The following HNF1B variants were observed in gnomAD, a reference collection of about 807,000 sequenced individuals.
The protein encoded by HNF1B is hepatocyte nuclear factor 1-beta.
In HNF1B, 8 loss-of-function variants were observed where a neutral mutation model predicts 61.7. The ratio of observed to expected loss-of-function variants is 0.13; its 90% CI spans 0.08 to 0.23. HNF1B has a LOEUF of 0.23. HNF1B is among the 10% of genes least tolerant of loss of function. The pLI, the probability that HNF1B is intolerant of heterozygous loss-of-function variation, is 1.00. For missense variants in HNF1B, 562 were observed against 714.5 expected (o/e 0.79, Z 2.43); for synonymous variants, 314 against 287.7 (o/e 1.09, Z -0.93).
At chr17:37,720,883 C>G (rs1291511326) in intron 4 of HNF1B, 66 of 985,286 alleles carry the variant, frequency 6.7e-5, no homozygotes, top group Non-Finnish European at 7.6e-5. Context: ...GTTCCCCTGG[C>G]TGTAGGGTTG....
At chr17:37,742,487 C>T (rs1047120205) in intron 1 of HNF1B, among the ~76,000 whole-genome samples, 1 of 152,310 alleles carries the variant, frequency 6.6e-6, no homozygotes, top group Middle Eastern at 3.4e-3. Context: ...GGCTTGGGAG[C>T]CCCCTGTGCA....
intron 4 of HNF1B, among the ~76,000 whole-genome samples, chr17:37,728,453 C>T (rs867142580): frequency 6.6e-5 from 10 of 152,040 alleles, no homozygotes; most frequent in Non-Finnish European, 1.2e-4. Flanking sequence ...ACTACAGGCA[C>T]CCGCCACCAC....
intron 2 of HNF1B, among the ~76,000 whole-genome samples, chr17:37,737,660 A>G (rs892669864): frequency 1.4e-5 from 2 of 138,024 alleles, no homozygotes; most frequent in African/African-American, 2.8e-5. Flanking sequence ...CCCCGTCTCT[A>G]CTAAAAATAC....
At chr17:37,687,716 T>C (rs536747445) in intron 8 of HNF1B, among the ~76,000 whole-genome samples, 1 of 152,174 alleles carries the variant, frequency 6.6e-6, no homozygotes, top group African/African-American at 2.4e-5. Flanking sequence ...GAGTGCTTAG[T>C]GTACTTGAAA....
chr17:37,698,879 G>T (rs1457648290), intron 8 of HNF1B, among the ~76,000 whole-genome samples, 197 bp downstream of exon 8: 1 of 150,782 alleles, frequency 6.6e-6, no homozygotes, highest in African/African-American at 2.5e-5. Flanking sequence ...TGGGGAATCT[G>T]GGGGAGCAAT....
chr17:37,727,385 C>T (rs994392439), intron 4 of HNF1B, among the ~76,000 whole-genome samples: 1 of 152,168 alleles, frequency 6.6e-6, no homozygotes, highest in Non-Finnish European at 1.5e-5. Flanking sequence ...CAGCCTGCTA[C>T]AGTAACTTCA....
At chr17:37,697,433 G>A (rs2032422043) in intron 8 of HNF1B, among the ~76,000 whole-genome samples, 1 of 152,184 alleles carries the variant, frequency 6.6e-6, no homozygotes, top group Non-Finnish European at 1.5e-5. Flanking sequence ...TGGGGGGCTG[G>A]TGCAGCGTCT....
chr17:37,687,216 T>A lies in HNF1B; in HGVS notation c.*156A>T. Reference sequence around the variant, plus strand: ...TCGGGCTGCGCCTCCTGAGAGTGGATTGTCTGAGGTGCCAGCAGGACGTCC... The same window carrying A: ...TCGGGCTGCGCCTCCTGAGAGTGGAATGTCTGAGGTGCCAGCAGGACGTCC... On this transcript the variant is annotated 3_prime_UTR_variant, in exon 9 of 9. Transcript: ENST00000617811. 8.3e-7 allele frequency: 1 copy of A among 1,207,372 alleles called. No homozygotes were observed. Among genetic ancestry groups the A allele is most frequent in the Non-Finnish European group, 1.2e-6 (1 of 832,976 alleles). The allele number at this position is 1,207,372 out of a possible 1,614,324, so 74.8% of individuals were successfully genotyped here. A position where few individuals can be genotyped will look rare whatever the true frequency, so the allele number is the denominator to read the frequency against.
intron 1 of HNF1B, 46 bp downstream of exon 1, chr17:37,744,495 G>A: frequency 6.3e-7 from 1 of 1,584,050 alleles, no homozygotes; most frequent in Non-Finnish European, 8.6e-7. Flanking sequence ...CGGGGCCGGG[G>A]CTCCAGGGGT....
Position 37,731,626 on chromosome 17 carries a change from C to T in HNF1B, c.1014G>A (p.Gln338=). ...PLLSHGSPHH[Q]PSSSPPNKLS... ...GCTTGTTTGGAGGAGAGGAGCTGGG[C>T]TGGTGGTGGGGGGAGCCGTGGGAGA... Residue 338 remains glutamine, a synonymous_variant, in exon 4 of 9, where the codon CAG becomes CAA. Coordinates refer to ENST00000617811, the MANE Select transcript of HNF1B (RefSeq NM_000458.4). 6.2e-7 allele frequency: 1 copy of T among 1,613,670 alleles called. No homozygotes were observed. The highest frequency in any genetic ancestry group is 8.5e-7 in the Non-Finnish European group (1 of 1,179,766).
chr17:37,733,450 G>A, intron 3 of HNF1B, 107 bp downstream of exon 3: 1 of 1,285,674 alleles, frequency 7.8e-7, no homozygotes, highest in Non-Finnish European at 1.1e-6. Context: ...CTCTGATTTA[G>A]CCACACTTAT....
chr17:37,698,316 G>A (rs1223793832), intron 8 of HNF1B, among the ~76,000 whole-genome samples: 1 of 152,086 alleles, frequency 6.6e-6, no homozygotes, highest in Non-Finnish European at 1.5e-5. Flanking sequence ...ATCTTGTCCT[G>A]TTTTCTAACT....
intron 1 of HNF1B, 47 bp downstream of exon 1, chr17:37,744,494 G>A (rs780873083): frequency 2.5e-6 from 4 of 1,581,060 alleles, no homozygotes; most frequent in South Asian, 2.2e-5. Context: ...CCGGGGCCGG[G>A]GCTCCAGGGG....
At chr17:37,707,734 A>G (rs2032797502) in intron 5 of HNF1B, among the ~76,000 whole-genome samples, 1 of 151,840 alleles carries the variant, frequency 6.6e-6, no homozygotes. Context: ...TGATACTGTG[A>G]AAGTATCCAG....
intron 5 of HNF1B, 84 bp downstream of exon 5, chr17:37,710,419 T>G: frequency 6.5e-7 from 1 of 1,536,340 alleles, no homozygotes; most frequent in South Asian, 1.1e-5. Context: ...GGTTCATTGT[T>G]TGAGGCAGGC....
chr17:37,690,253 T>C (rs112904657), intron 8 of HNF1B, among the ~76,000 whole-genome samples: 2,886 of 150,826 alleles, frequency 0.019, 85 homozygotes, highest in African/African-American at 0.066. Context: ...AGTCCTGGAG[T>C]GGGATCTCTT....
intron 8 of HNF1B, among the ~76,000 whole-genome samples, chr17:37,690,552 C>A (rs373816621): frequency 1.2e-4 from 18 of 152,146 alleles, no homozygotes; most frequent in African/African-American, 4.3e-4. Context: ...GGGACTAGGG[C>A]AGTCCTGATG....
chr17:37,697,983 G>A (rs916805819), intron 8 of HNF1B, among the ~76,000 whole-genome samples: 5 of 152,086 alleles, frequency 3.3e-5, no homozygotes, highest in African/African-American at 1.2e-4. Flanking sequence ...CCAAGCAAAT[G>A]GCAGAACCAG....
chr17:37,687,154 G>A lies in HNF1B; in HGVS notation c.*218C>T, dbSNP rs1234343126. ...AGGAGTCCTTGACATCGTGGGAGAG[G>A]CATTGTGGCAATACTGCATAGAAGG... On this transcript the variant is annotated 3_prime_UTR_variant, in exon 9 of 9. Coordinates refer to ENST00000617811, the MANE Select transcript of HNF1B (RefSeq NM_000458.4). The A allele has an allele frequency of 1.4e-5, 10 of 696,056 alleles. No homozygotes were observed. The highest frequency in any genetic ancestry group is 2.6e-5 in the Non-Finnish European group (10 of 391,798). The allele number at this position is 696,056 out of a possible 1,614,324, so 43.1% of individuals were successfully genotyped here. A position where few individuals can be genotyped will look rare whatever the true frequency, so the allele number is the denominator to read the frequency against.
Sources: allele counts gnomAD v4.1 joint callset (sites outside exome capture counted in the v4.1 genomes callset), GRCh38; gene constraint gnomAD v4.1.1; transcripts MANE v1.5; gene names NCBI Gene and HGNC (gene_info 2026-07-23, HGNC 2026-07-21).